Variants in LPP observed in about 807,000 individuals in gnomAD.
The protein encoded by LPP is lipoma-preferred partner.
A neutral mutation model predicts 60.4 loss-of-function variants in LPP; 38 were observed. That is an observed-to-expected ratio of 0.63 (90% confidence interval 0.49 to 0.83). LPP has a LOEUF of 0.83. LPP is among the 40% of genes least tolerant of loss of function. The probability of loss-of-function intolerance (pLI) is 0.00; values close to 1 mark genes in which losing one functional copy is unlikely to be tolerated. For synonymous variants in LPP, 328 were observed against 290.8 expected, an observed-to-expected ratio of 1.13 and a Z score of -1.30; for missense variants, 902 against 783.6, an observed-to-expected ratio of 1.15 and a Z score of -1.80.
intron 4 of LPP, among the ~76,000 whole-genome samples, chr3:188,477,494 T>C (rs1803545387): frequency 6.6e-6 from 1 of 152,184 alleles, no homozygotes; most frequent in Non-Finnish European, 1.5e-5. Context: ...ACCAGTGCAC[T>C]GTAAATAGGT....
intron 4 of LPP, among the ~76,000 whole-genome samples, chr3:188,464,825 CAT>C (rs1373379918): frequency 2.0e-5 from 3 of 151,978 alleles, no homozygotes. Flanking sequence ...TTTTTATAAA[CAT>C]GTGGTCTTCT....
intron 8 of LPP, among the ~76,000 whole-genome samples, chr3:188,720,562 T>A (rs1216335001): frequency 6.7e-6 from 1 of 149,254 alleles, no homozygotes; most frequent in Non-Finnish European, 1.5e-5. Flanking sequence ...CACCAAAAAT[T>A]GTAAAATACT....
chr3:188,312,045 CTTTAT>C (rs945908824), intron 2 of LPP, among the ~76,000 whole-genome samples: 3 of 152,086 alleles, frequency 2.0e-5, no homozygotes, highest in Admixed American at 6.5e-5. Flanking sequence ...ACAAGTACAT[CTTTAT>C]TTTATCTCTT....
At chr3:188,693,415 G>T (rs1194047401) in intron 7 of LPP, among the ~76,000 whole-genome samples, 1 of 152,058 alleles carries the variant, frequency 6.6e-6, no homozygotes, top group Non-Finnish European at 1.5e-5. Context: ...TTTGCATAAG[G>T]CCCTAAGTCA....
At chr3:188,731,528 T>TTTGTTTTGTTTTGTTTTG (rs1425886750) in intron 8 of LPP, among the ~76,000 whole-genome samples, 1 of 151,756 alleles carries the variant, frequency 6.6e-6, no homozygotes, top group Non-Finnish European at 1.5e-5. Context: ...TTTGTTTTGT[T>TTTGTTTTGTTTTGTTTTG]TTGTTTTGTT....
At chr3:188,330,049 C>G (rs924487425) in intron 2 of LPP, among the ~76,000 whole-genome samples, 2 of 152,160 alleles carry the variant, frequency 1.3e-5, no homozygotes, top group Non-Finnish European at 2.9e-5. Flanking sequence ...CTTTCTCTCT[C>G]CCTGTCTCCT....
At chr3:188,423,854 C>A (rs1471613927) in intron 4 of LPP, among the ~76,000 whole-genome samples, 2 of 151,544 alleles carry the variant, frequency 1.3e-5, no homozygotes, top group Non-Finnish European at 2.9e-5. Flanking sequence ...TGGATATTAG[C>A]CCTTTGTCAG....
At chr3:188,873,324 A>T (rs1169084718) in intron 11 of LPP, among the ~76,000 whole-genome samples, 2 of 152,210 alleles carry the variant, frequency 1.3e-5, no homozygotes, top group Non-Finnish European at 2.9e-5. Flanking sequence ...TCAAATGAAG[A>T]CATGAACTCC....
chr3:188,796,040 C>T (rs1037851993), intron 9 of LPP, among the ~76,000 whole-genome samples: 59 of 152,080 alleles, frequency 3.9e-4, no homozygotes, highest in East Asian at 3.9e-4. Context: ...CTGGAAATTC[C>T]GTGGTGAGCA....
intron 7 of LPP, chr3:188,688,979 T>TA (rs1861504060): frequency 2.1e-6 from 1 of 477,952 alleles, no homozygotes; most frequent in Admixed American, 2.8e-5. Flanking sequence ...TCAGAGCTAA[T>TA]ACTGCCTACC....
chr3:188,814,250 C>T (rs1385338074), intron 9 of LPP, among the ~76,000 whole-genome samples: 1 of 152,070 alleles, frequency 6.6e-6, no homozygotes, highest in Non-Finnish European at 1.5e-5. Flanking sequence ...AAGAAGGTTG[C>T]CCTAAAATAT....
At chr3:188,760,336 A>C in intron 9 of LPP, 54 bp downstream of exon 9, 2 of 1,572,018 alleles carry the variant, frequency 1.3e-6, no homozygotes. Flanking sequence ...TCTGTGGCTG[A>C]ATGCCAGTCA....
chr3:188,299,145 A>G (rs1390669649), intron 2 of LPP, among the ~76,000 whole-genome samples: 1 of 152,186 alleles, frequency 6.6e-6, no homozygotes, highest in Non-Finnish European at 1.5e-5. Context: ...GCTAGAAGGG[A>G]GGCCACTTTT....
Position 188,760,101 on chromosome 3 carries a change from T to G in LPP, c.1241-12T>G. The G allele has an allele frequency of 1.9e-6, 3 of 1,607,428 alleles. No individual in the cohort carries two copies. Among genetic ancestry groups the G allele is most frequent in the Non-Finnish European group, 1.7e-6 (2 of 1,175,572 alleles). On this transcript the variant is annotated splice_polypyrimidine_tract_variant and intron_variant, in intron 8 of 11. Transcript: ENST00000617246. Reference sequence around the variant, plus strand: ...TCCTTGGTGTGTTCTTATCAAACCCTTTTTTTTCCAGGCCGCTGTGCTCGC... The same window carrying G: ...TCCTTGGTGTGTTCTTATCAAACCCGTTTTTTTCCAGGCCGCTGTGCTCGC...
Position 188,409,517 on chromosome 3 carries a change from A to T in LPP, c.193+3204A>T, listed in dbSNP as rs371731426. ...CTGAACATTTTTGTAACTTACATCT[A>T]TTGTGTTTGTTTACACATTTAAACA... On this transcript the variant is annotated intron_variant, in intron 4 of 11. Transcript: ENST00000617246. 5.9e-5 allele frequency among the ~76,000 whole-genome samples: 9 copies of T among 152,110 alleles called. No homozygotes were observed. The East Asian group carries it at 1.5e-3, about 26-fold the overall frequency.
intron 6 of LPP, among the ~76,000 whole-genome samples, chr3:188,538,177 A>G (rs1824155298): frequency 6.6e-6 from 1 of 152,208 alleles, no homozygotes; most frequent in Non-Finnish European, 1.5e-5. Context: ...CATGACATCA[A>G]AGCACAAACA....
intron 6 of LPP, among the ~76,000 whole-genome samples, chr3:188,542,889 T>G (rs1453225274): frequency 6.6e-6 from 1 of 152,180 alleles, no homozygotes; most frequent in Non-Finnish European, 1.5e-5. Flanking sequence ...TCTCATGCCT[T>G]CCACTCTCAA....
In LPP at chr3:188,880,283, G is replaced by A. The variant is rs527585659; in HGVS notation, c.*5804G>A. ...CCTGACCTCGTGATCCACCCGCCTC[G>A]GCCTCCCAAAGTGCTGGGATTACAG... On this transcript the variant is annotated 3_prime_UTR_variant, in exon 12 of 12. Coordinates refer to ENST00000617246, the MANE Select transcript of LPP (RefSeq NM_001375462.1). 48 of 168,840 alleles carry A rather than the reference G, an allele frequency of 2.8e-4. 1 individual carries two copies. In the East Asian group the frequency reaches 5.0e-3, roughly 17 times the overall value. The allele number at this position is 168,840 out of a possible 1,614,324, so 10.5% of individuals were successfully genotyped here.
chr3:188,770,508 A>G (rs1363720611), intron 9 of LPP, among the ~76,000 whole-genome samples: 1 of 151,904 alleles, frequency 6.6e-6, no homozygotes, highest in Non-Finnish European at 1.5e-5. Context: ...TAATGGATAA[A>G]GGAATGATAA....
Sources: allele counts gnomAD v4.1 joint callset (sites outside exome capture counted in the v4.1 genomes callset), GRCh38; gene constraint gnomAD v4.1.1; transcripts MANE v1.5; gene names NCBI Gene and HGNC (gene_info 2026-07-23, HGNC 2026-07-21).